DPY19L1: variants seen among roughly 807,000 people sequenced by gnomAD.
DPY19L1 encodes the protein dpy-19 like C-mannosyltransferase 1.
In DPY19L1, 35 loss-of-function variants were observed where a neutral mutation model predicts 96.9. The observed-to-expected ratio is 0.36, with a 90% confidence interval of 0.28 to 0.48. The LOEUF is 0.48. Among genes scored for constraint, DPY19L1 ranks in the 20% least tolerant of loss-of-function variants. The pLI is 0.99. For synonymous variants in DPY19L1, 205 were observed against 252.6 expected (o/e 0.81, Z 1.79); for missense variants, 521 against 777.9 (o/e 0.67, Z 3.93).
At chr7:35,022,790 A>AT (rs76375349) in intron 1 of DPY19L1, among the ~76,000 whole-genome samples, 34,279 of 152,058 alleles carry the variant, frequency 0.23, 4,368 homozygotes, top group Non-Finnish European at 0.29. Context: ...ACACACACAC[A>AT]CATCATCCTT....
rs1562795441 is a variant in DPY19L1 at position 34,929,910 on chromosome 7, G to A, written c.*1663C>T. ...CTCTCCTGGGCTGCCTCCAGGGAAG[G>A]AGCATCCCTGGGAGCTGCGGCTCTA... On this transcript the variant is annotated 3_prime_UTR_variant, in exon 22 of 22. Coordinates refer to ENST00000638088, the MANE Select transcript of DPY19L1 (RefSeq NM_001366673.1). 1 of 152,258 alleles carries A rather than the reference G, an allele frequency of 6.6e-6. No homozygotes were observed. The allele number at this position is 152,258 out of a possible 1,614,324, so 9.4% of individuals were successfully genotyped here.
rs184203222 is a variant in DPY19L1 at position 35,003,067 on chromosome 7, G to A, written c.764+7401C>T. On this transcript the variant is annotated intron_variant, in intron 6 of 21. Coordinates refer to ENST00000638088, the MANE Select transcript of DPY19L1 (RefSeq NM_001366673.1). The stretch of plus-strand genomic sequence containing the variant: ...TTACAGGCGTGAGCCACCGTGCCCG[G>A]CCAGCAACCAACAATGTTTTCAAGT... Among the ~76,000 whole-genome samples, 10 of 152,252 alleles carry A rather than the reference G, an allele frequency of 6.6e-5. No individual in the cohort carries two copies. The East Asian group carries it at 1.9e-3, about 29-fold the overall frequency.
chr7:34,941,467 A>G (rs1784013581), intron 18 of DPY19L1, among the ~76,000 whole-genome samples: 1 of 152,264 alleles, frequency 6.6e-6, no homozygotes. Flanking sequence ...GAATGTCAAA[A>G]CAAAAAAAGT....
intron 7 of DPY19L1, among the ~76,000 whole-genome samples, chr7:34,980,982 G>A (rs552056034): frequency 5.9e-5 from 9 of 152,144 alleles, no homozygotes; most frequent in African/African-American, 1.9e-4. Flanking sequence ...CTAATCAATA[G>A]TGATAGAGAT....
In DPY19L1 at chr7:35,022,607, T is replaced by C. The variant is rs116208788; in HGVS notation, c.299-4011A>G. ...AAAACAGATTGTAACTCCCTGAGGG[T>C]AGAAACAACATTTACCAAACTTTAC... On this transcript the variant is annotated intron_variant, in intron 1 of 21. Transcript: ENST00000638088. Among the ~76,000 whole-genome samples the C allele has an allele frequency of 4.9e-3, 752 of 152,292 alleles. 10 individuals are homozygous for C. The highest frequency in any genetic ancestry group is 0.016 in the African/African-American group (656 of 41,570).
chr7:35,001,735 T>C (rs1448110658), intron 6 of DPY19L1, among the ~76,000 whole-genome samples: 1 of 152,070 alleles, frequency 6.6e-6, no homozygotes, highest in Non-Finnish European at 1.5e-5. Flanking sequence ...TCTATACAGC[T>C]TTTTTTGGTC....
rs1417216440 is a variant in DPY19L1, at chr7:34,992,338, CCT to C, written c.765-2399_765-2398del. 7.0e-4 allele frequency among the ~76,000 whole-genome samples: 106 copies of C among 152,184 alleles called. 1 individual carries two copies. Among genetic ancestry groups the C allele is most frequent in the African/African-American group, 2.4e-3 (100 of 41,506 alleles). ...CTACTTAAAAATTAAGGTTATCAAACCTCTGACTGTCAAATGTGAAAATAACA... is the reference window on the plus strand; with the variant it reads ...CTACTTAAAAATTAAGGTTATCAAACCTGACTGTCAAATGTGAAAATAACA... On this transcript the variant is annotated intron_variant, in intron 6 of 21. Coordinates refer to ENST00000638088, the MANE Select transcript of DPY19L1 (RefSeq NM_001366673.1).
intron 1 of DPY19L1, among the ~76,000 whole-genome samples, chr7:35,031,312 T>A (rs1786254850): frequency 6.6e-6 from 1 of 152,240 alleles, no homozygotes; most frequent in Non-Finnish European, 1.5e-5. Context: ...TTACATTCTA[T>A]TAGGTATTCT....
Position 35,006,892 on chromosome 7 carries a change from A to T in DPY19L1, c.764+3576T>A, listed in dbSNP as rs536667261. ...CTTCTGAATTTAAAATGTCACAGTC[A>T]ATCTGCCTGCAAATTTCTAACCTGC... On this transcript the variant is annotated intron_variant, in intron 6 of 21. Coordinates refer to ENST00000638088, the MANE Select transcript of DPY19L1 (RefSeq NM_001366673.1). Among the ~76,000 whole-genome samples, 895 of 152,308 alleles carry T rather than the reference A, an allele frequency of 5.9e-3. 9 individuals are homozygous for T. Among genetic ancestry groups the T allele is most frequent in the Non-Finnish European group, 9.9e-3 (676 of 68,022 alleles).
chr7:34,942,847 T>C (rs1784053562), intron 16 of DPY19L1, among the ~76,000 whole-genome samples: 1 of 152,204 alleles, frequency 6.6e-6, no homozygotes. Context: ...CAATGTTGTA[T>C]TATATCCTAT....
chr7:35,001,248 T>C (rs780709809), intron 6 of DPY19L1, among the ~76,000 whole-genome samples: 4 of 152,180 alleles, frequency 2.6e-5, no homozygotes, highest in African/African-American at 4.8e-5. Context: ...AATGAGTCCA[T>C]TGGAAAAATA....
intron 1 of DPY19L1, among the ~76,000 whole-genome samples, chr7:35,028,880 G>A (rs576495828): frequency 6.6e-6 from 1 of 152,312 alleles, no homozygotes; most frequent in South Asian, 2.1e-4. Context: ...ACATTGCCAT[G>A]GCATTTGTAA....
chr7:35,008,300 T>G (rs557882987), intron 6 of DPY19L1, among the ~76,000 whole-genome samples: 1 of 152,260 alleles, frequency 6.6e-6, no homozygotes, highest in African/African-American at 2.4e-5. Context: ...GTATGAATAG[T>G]GTGTGTTGAC....
chr7:34,982,272 A>G (rs1163798223), intron 7 of DPY19L1, among the ~76,000 whole-genome samples: 3 of 152,242 alleles, frequency 2.0e-5, no homozygotes, highest in Non-Finnish European at 4.4e-5. Flanking sequence ...CTCAAGTATG[A>G]TAACAGTATT....
intron 6 of DPY19L1, among the ~76,000 whole-genome samples, chr7:34,997,353 G>A (rs1785310099): frequency 1.3e-5 from 2 of 149,538 alleles, no homozygotes; most frequent in Admixed American, 1.3e-4. Context: ...AGCACTTTGG[G>A]AGGCCGAGGC....
intron 10 of DPY19L1, among the ~76,000 whole-genome samples, chr7:34,961,068 T>A (rs1432771204): frequency 6.6e-6 from 1 of 152,182 alleles, no homozygotes; most frequent in Non-Finnish European, 1.5e-5. Flanking sequence ...GAAGATTCCA[T>A]ATTGAAGGGA....
At chr7:35,013,297 C>T (rs1283783046) in intron 4 of DPY19L1, among the ~76,000 whole-genome samples, 3 of 152,122 alleles carry the variant, frequency 2.0e-5, no homozygotes, top group Non-Finnish European at 4.4e-5. Context: ...AGTAACAGCG[C>T]TCCCTTGGTA....
chr7:35,036,048 A>C (rs1273889198), intron 1 of DPY19L1, among the ~76,000 whole-genome samples: 3 of 152,222 alleles, frequency 2.0e-5, no homozygotes, highest in African/African-American at 7.2e-5. Context: ...AGCCCATTAA[A>C]ACATACAGAG....
intron 6 of DPY19L1, among the ~76,000 whole-genome samples, chr7:35,007,257 G>A (rs895697023): frequency 6.6e-6 from 1 of 152,174 alleles, no homozygotes; most frequent in Non-Finnish European, 1.5e-5. Context: ...CCTTTGAATA[G>A]AGCTAAAGAG....
Sources: allele counts gnomAD v4.1 joint callset (sites outside exome capture counted in the v4.1 genomes callset), GRCh38; gene constraint gnomAD v4.1.1; transcripts MANE v1.5; gene names NCBI Gene and HGNC (gene_info 2026-07-23, HGNC 2026-07-21).